MSRA: variants seen among roughly 807,000 people sequenced by gnomAD.
MSRA encodes the protein methionine sulfoxide reductase A, also known as mitochondrial peptide methionine sulfoxide reductase.
MSRA carries 54 observed loss-of-function variants against 31.3 expected under a neutral mutation model. The observed-to-expected ratio is 1.73, with a 90% CI of 1.39 to 2.17. The LOEUF (loss-of-function observed/expected upper bound fraction) is 2.17, where lower values mean the gene tolerates loss of function less well. Among genes scored for constraint, MSRA ranks in the 30% most tolerant of loss-of-function variants. The pLI is 0.00. For missense variants in MSRA, 507 were observed against 300.9 expected, an observed-to-expected ratio of 1.69 and a Z score of -5.07; for synonymous variants, 169 against 116.5, an observed-to-expected ratio of 1.45 and a Z score of -2.90.
At chr8:10,225,602 T>G (rs1358904746) in intron 2 of MSRA, among the ~76,000 whole-genome samples, 2 of 152,236 alleles carry the variant, frequency 1.3e-5, no homozygotes, top group Non-Finnish European at 2.9e-5. Context: ...CAAAAAGTCA[T>G]AGAGAGGGAC....
intron 1 of MSRA, among the ~76,000 whole-genome samples, chr8:10,134,674 G>A (rs76798057): frequency 0.021 from 3,125 of 152,312 alleles, 107 homozygotes; most frequent in African/African-American, 0.071. Context: ...TCGGAAGCCT[G>A]GTGGTGACAG....
chr8:10,244,770 A>G (rs1046767939), intron 2 of MSRA, among the ~76,000 whole-genome samples: 4 of 152,192 alleles, frequency 2.6e-5, no homozygotes, highest in African/African-American at 9.7e-5. Flanking sequence ...CTATTGATTC[A>G]AGTTATGAAT....
At chr8:10,419,094 A>G (rs1313267357) in intron 5 of MSRA, among the ~76,000 whole-genome samples, 3 of 152,162 alleles carry the variant, frequency 2.0e-5, no homozygotes, top group Non-Finnish European at 4.4e-5. Flanking sequence ...ATGTGCCCAC[A>G]GGTTCATAGG....
chr8:10,394,689 G>A (rs559664319), intron 5 of MSRA, among the ~76,000 whole-genome samples: 3 of 152,360 alleles, frequency 2.0e-5, no homozygotes, highest in Admixed American at 2.0e-4. Flanking sequence ...CTGTGCTCAG[G>A]AAACAGGTCC....
At chr8:10,351,166 C>G (rs1014657309) in intron 5 of MSRA, among the ~76,000 whole-genome samples, 1 of 151,536 alleles carries the variant, frequency 6.6e-6, no homozygotes, top group South Asian at 2.1e-4. Flanking sequence ...CCACGCTCAT[C>G]CATTCGAGTG....
At position 10,344,623 on chromosome 8, in the gene MSRA, C is replaced by G. The variant is rs535467018; in HGVS notation, c.543+24634C>G. 9.6e-4 allele frequency among the ~76,000 whole-genome samples: 139 copies of G among 145,334 alleles called. 2 individuals are homozygous for G. The highest frequency in any genetic ancestry group is 1.4e-3 in the Non-Finnish European group (96 of 66,796). On this transcript the variant is annotated intron_variant, in intron 5 of 5. Transcript: ENST00000317173. ...AAAAAAGCCAGCCATTTCCAATGGC[C>G]TTGACATAAGGATTATGTTGCATTA...
intron 5 of MSRA, among the ~76,000 whole-genome samples, chr8:10,413,035 C>G (rs774912756): frequency 1.3e-5 from 2 of 152,218 alleles, no homozygotes; most frequent in Non-Finnish European, 1.5e-5. Flanking sequence ...TTTACAGCAG[C>G]TTTGTTCATA....
chr8:10,407,928 TAC>T (rs1807918553), intron 5 of MSRA, among the ~76,000 whole-genome samples: 1 of 152,210 alleles, frequency 6.6e-6, no homozygotes, highest in Non-Finnish European at 1.5e-5. Context: ...ATCTTTAAGC[TAC>T]ACTGGAGATG....
At chr8:10,241,752 C>T (rs974956090) in intron 2 of MSRA, among the ~76,000 whole-genome samples, 1 of 152,088 alleles carries the variant, frequency 6.6e-6, no homozygotes, top group African/African-American at 2.4e-5. Context: ...TCCATAGCCC[C>T]ACCTCTAGTC....
At chr8:10,392,848 C>G (rs988812814) in intron 5 of MSRA, among the ~76,000 whole-genome samples, 25 of 134,212 alleles carry the variant, frequency 1.9e-4, no homozygotes, top group African/African-American at 6.1e-4. Flanking sequence ...AGATCAAGAC[C>G]ATTCTGGCTA....
At chr8:10,188,016 T>C (rs1807199357) in intron 1 of MSRA, among the ~76,000 whole-genome samples, 1 of 152,194 alleles carries the variant, frequency 6.6e-6, no homozygotes, top group Non-Finnish European at 1.5e-5. Flanking sequence ...TTTTAAACAA[T>C]TAGGGAATAT....
chr8:10,170,067 A>G (rs1015282199), intron 1 of MSRA, among the ~76,000 whole-genome samples: 1 of 122,554 alleles, frequency 8.2e-6, no homozygotes, highest in African/African-American at 4.3e-5. Context: ...TTTTTTTTTA[A>G]GTAGAGACAG....
intron 1 of MSRA, among the ~76,000 whole-genome samples, chr8:10,150,454 C>G: frequency 6.6e-6 from 1 of 152,094 alleles, no homozygotes; most frequent in Middle Eastern, 3.4e-3. Flanking sequence ...AACATCATCC[C>G]CGAACAAATT....
chr8:10,106,546 G>C (rs1337272577), intron 1 of MSRA, among the ~76,000 whole-genome samples: 1 of 152,204 alleles, frequency 6.6e-6, no homozygotes, highest in Non-Finnish European at 1.5e-5. Flanking sequence ...GTGCAACTCT[G>C]TGAGAGAGAC....
At chr8:10,366,468 A>C (rs1415081197) in intron 5 of MSRA, among the ~76,000 whole-genome samples, 1 of 152,234 alleles carries the variant, frequency 6.6e-6, no homozygotes, top group Non-Finnish European at 1.5e-5. Context: ...AATGGCAAGC[A>C]TTACCCTGAC....
chr8:10,316,912 C>T (rs1208922937), intron 4 of MSRA, among the ~76,000 whole-genome samples: 2 of 152,146 alleles, frequency 1.3e-5, no homozygotes, highest in South Asian at 2.1e-4. Context: ...TAGGAGGCCA[C>T]CCCGAAGCAG....
At chr8:10,059,544 A>T (rs925962420) in intron 1 of MSRA, among the ~76,000 whole-genome samples, 1 of 152,194 alleles carries the variant, frequency 6.6e-6, no homozygotes, top group Non-Finnish European at 1.5e-5. Context: ...GAATGTTTTT[A>T]TAATCTGGGT....
chr8:10,057,740 C>T (rs956852284), intron 1 of MSRA, among the ~76,000 whole-genome samples: 2 of 152,160 alleles, frequency 1.3e-5, no homozygotes, highest in Admixed American at 1.3e-4. Flanking sequence ...TTCTCTCCTG[C>T]TCCTTTGTGT....
At chr8:10,197,832 C>T (rs1228050214) in intron 1 of MSRA, among the ~76,000 whole-genome samples, 1 of 152,208 alleles carries the variant, frequency 6.6e-6, no homozygotes, top group African/African-American at 2.4e-5. Flanking sequence ...AGTCCCCGAA[C>T]AGCTTGAGTG....
Sources: allele counts gnomAD v4.1 joint callset (sites outside exome capture counted in the v4.1 genomes callset), GRCh38; gene constraint gnomAD v4.1.1; transcripts MANE v1.5; gene names NCBI Gene and HGNC (gene_info 2026-07-23, HGNC 2026-07-21).